DPYS: variants seen among roughly 807,000 people sequenced by gnomAD.
The protein encoded by DPYS is dihydropyrimidinase.
DPYS carries 39 observed loss-of-function variants against 50.3 expected under a neutral mutation model. The observed-to-expected ratio is 0.78, with a 90% confidence interval of 0.60 to 1.01. The LOEUF (loss-of-function observed/expected upper bound fraction) is 1.01. Ranked by LOEUF, DPYS falls within the 50% of genes least tolerant of loss-of-function variation. DPYS has a pLI of 0.00. For missense variants in DPYS, 659 were observed against 680.9 expected (o/e 0.97, Z 0.36); for synonymous variants, 245 against 250.7 (o/e 0.98, Z 0.22).
At chr8:104,383,988 C>T (rs899593518) in intron 8 of DPYS, among the ~76,000 whole-genome samples, 5 of 152,270 alleles carry the variant, frequency 3.3e-5, no homozygotes, top group African/African-American at 1.2e-4. Flanking sequence ...GCTTGTCACC[C>T]TGGTCACGCT....
chr8:104,427,864 C>T, intron 6 of DPYS, 116 bp downstream of exon 6: 1 of 1,476,020 alleles, frequency 6.8e-7, no homozygotes, highest in Non-Finnish European at 9.5e-7. Flanking sequence ...AGTATCCTCC[C>T]TAGTAAAAAC....
chr8:104,442,940 T>TG (rs1407550752), intron 4 of DPYS, among the ~76,000 whole-genome samples: 1 of 152,192 alleles, frequency 6.6e-6, no homozygotes, highest in African/African-American at 2.4e-5. Flanking sequence ...CACATGCCTG[T>TG]GGTCCCAGCT....
At chr8:104,466,258 T>A (rs1315533653) in intron 1 of DPYS, among the ~76,000 whole-genome samples, 1 of 152,112 alleles carries the variant, frequency 6.6e-6, no homozygotes, top group Non-Finnish European at 1.5e-5. Context: ...AAGTGCCTAC[T>A]TTAAAAAAAG....
intron 8 of DPYS, among the ~76,000 whole-genome samples, chr8:104,390,890 A>G (rs1281255191): frequency 2.0e-5 from 3 of 152,174 alleles, no homozygotes; most frequent in Admixed American, 6.5e-5. Flanking sequence ...GCATTCAGTA[A>G]GCACTCACTA....
intron 7 of DPYS, among the ~76,000 whole-genome samples, chr8:104,402,974 A>T (rs540923160): frequency 5.3e-5 from 8 of 152,312 alleles, no homozygotes; most frequent in Non-Finnish European, 1.0e-4. Context: ...GCACAGCGTG[A>T]GGGACAATGA....
chr8:104,466,889 C>G lies in DPYS; in HGVS notation c.32G>C (p.Gly11Ala). ...GAAGTCATCGTTGACCACGCGACCC[C>G]CGCGGATCAGGAGCCGCGAGGGCGC... MAAPSRLLIR[G>A]GRVVNDDFSE... is the part of the protein sequence containing the mutation. Residue 11 changes from glycine (G) to alanine (A), a missense_variant, in exon 1 of 10, where the codon GGG becomes GCG. Transcript: ENST00000351513. The G allele has an allele frequency of 6.6e-7, 1 of 1,514,032 alleles. No individual in the cohort carries two copies. The highest frequency in any genetic ancestry group is 8.8e-7 in the Non-Finnish European group (1 of 1,137,298). 93.8% of individuals were successfully genotyped at this position (1,514,032 alleles called of 1,614,324 possible).
chr8:104,437,854 A>G (rs540832543), intron 4 of DPYS, among the ~76,000 whole-genome samples: 1 of 152,316 alleles, frequency 6.6e-6, no homozygotes, highest in South Asian at 2.1e-4. Flanking sequence ...TCTAAAATGA[A>G]GAGAAAGTAT....
chr8:104,421,921 A>G (rs1026482897), intron 7 of DPYS, among the ~76,000 whole-genome samples: 4 of 152,246 alleles, frequency 2.6e-5, no homozygotes, highest in Admixed American at 1.3e-4. Context: ...TATATAGTCT[A>G]AAACGTGACT....
chr8:104,424,410 T>A (rs372071049), intron 6 of DPYS, 21 bp from the exon 7 acceptor site: 1 of 1,612,312 alleles, frequency 6.2e-7, no homozygotes, highest in Admixed American at 1.7e-5. Context: ...ATTCAAAGAA[T>A]CATTCTAATG....
rs553800248 is a variant in DPYS at position 104,429,580 on chromosome 8, G to A, written c.915C>T (p.Pro305=). 8.1e-6 allele frequency: 13 copies of A among 1,614,112 alleles called. No homozygotes were observed. The East Asian group carries it at 2.9e-4, about 36-fold the overall frequency. Residue 305 remains proline, a synonymous_variant, in exon 5 of 10, where the codon CCC becomes CCT. Coordinates refer to ENST00000351513, the MANE Select transcript of DPYS (RefSeq NM_001385.3). ...GATTCATGAGGAAGTCGGGTGTTGA[G>A]GGGTCTGGTCGCAAAGGTGGACCCA... The part of the protein sequence containing the change: ...HVMGPPLRPD[P]STPDFLMNLL...
At chr8:104,439,833 A>T (rs1478905519) in intron 4 of DPYS, among the ~76,000 whole-genome samples, 4 of 152,194 alleles carry the variant, frequency 2.6e-5, no homozygotes, top group African/African-American at 9.6e-5. Context: ...CTTGATATCC[A>T]GGTTTTCCCA....
At chr8:104,454,078 T>C (rs942286351) in intron 1 of DPYS, among the ~76,000 whole-genome samples, 2 of 152,162 alleles carry the variant, frequency 1.3e-5, no homozygotes, top group African/African-American at 4.8e-5. Flanking sequence ...GTATGGTGTT[T>C]CTTTTGGGGG....
intron 4 of DPYS, among the ~76,000 whole-genome samples, chr8:104,438,073 C>T (rs922235750): frequency 2.0e-5 from 3 of 152,160 alleles, no homozygotes; most frequent in Non-Finnish European, 4.4e-5. Context: ...ACCTTTTACA[C>T]ACTTTTCCTT....
intron 1 of DPYS, among the ~76,000 whole-genome samples, chr8:104,460,849 C>T (rs1814129658): frequency 6.6e-6 from 1 of 152,214 alleles, no homozygotes; most frequent in South Asian, 2.1e-4. Flanking sequence ...GAATTACAAA[C>T]CCTTGAAGCT....
chr8:104,384,130 G>A (rs1811140049), intron 8 of DPYS, among the ~76,000 whole-genome samples: 2 of 152,190 alleles, frequency 1.3e-5, no homozygotes, highest in African/African-American at 4.8e-5. Flanking sequence ...AGCCACACCT[G>A]CGTGCACGGC....
intron 4 of DPYS, among the ~76,000 whole-genome samples, chr8:104,433,812 G>A (rs369492878): frequency 6.6e-4 from 101 of 152,256 alleles, no homozygotes; most frequent in African/African-American, 2.4e-3. Context: ...TGGGAAGAGA[G>A]GGGCCACTGT....
chr8:104,450,336 A>G (rs1024627699), intron 2 of DPYS, among the ~76,000 whole-genome samples: 50 of 152,180 alleles, frequency 3.3e-4, no homozygotes, highest in African/African-American at 1.2e-3. Flanking sequence ...ACTACCTGTT[A>G]AAGATTGATT....
At chr8:104,434,078 C>T (rs1380087638) in intron 4 of DPYS, among the ~76,000 whole-genome samples, 1 of 152,166 alleles carries the variant, frequency 6.6e-6, no homozygotes, top group Non-Finnish European at 1.5e-5. Context: ...AGATACAAGA[C>T]ATCAATCAAA....
chr8:104,381,074 C>T (rs1175875827), intron 9 of DPYS, 110 bp downstream of exon 9: 2 of 911,922 alleles, frequency 2.2e-6, no homozygotes, highest in Non-Finnish European at 3.6e-6. Flanking sequence ...GTCCTTGAGT[C>T]TTGGATCACT....
Sources: gnomAD v4.1 joint callset for allele counts (sites outside exome capture counted in the v4.1 genomes callset) on GRCh38, gnomAD v4.1.1 for gene constraint, MANE v1.5 for transcripts, NCBI Gene and HGNC (gene_info 2026-07-23, HGNC 2026-07-21) for gene names.